ARNT: variants seen among roughly 807,000 people sequenced by gnomAD.
ARNT encodes the protein class E basic helix-loop-helix protein 2.
Under a neutral mutation model 105.0 loss-of-function variants are expected in ARNT, and 30 were observed. The observed-to-expected ratio is 0.29, with a 90% CI of 0.21 to 0.39. The LOEUF is 0.39. Among genes scored for constraint, ARNT ranks in the 10% least tolerant of loss-of-function variants. The probability of loss-of-function intolerance (pLI) is 1.00; values close to 1 mark genes in which losing one functional copy is unlikely to be tolerated. For missense variants in ARNT, 748 were observed against 978.7 expected, an observed-to-expected ratio of 0.76 and a Z score of 3.15; for synonymous variants, 304 against 344.0, an observed-to-expected ratio of 0.88 and a Z score of 1.29.
At chr1:150,826,103 T>C (rs1658191379) in intron 13 of ARNT, among the ~76,000 whole-genome samples, 1 of 151,988 alleles carries the variant, frequency 6.6e-6, no homozygotes, top group African/African-American at 2.4e-5. Flanking sequence ...TTAGTAGACA[T>C]GGGGTTTCAC....
rs1413416417 is a variant in ARNT at position 150,811,587 on chromosome 1, C to T, written c.*434G>A. On this transcript the variant is annotated 3_prime_UTR_variant, in exon 22 of 22. Coordinates refer to ENST00000358595, the MANE Select transcript of ARNT (RefSeq NM_001668.4). ...CTTGCTAAAGCCCCATATATACCTA[C>T]AATGTTTCATGGTCCTCAAATATGA... 8.6e-6 allele frequency: 2 copies of T among 233,762 alleles called. No homozygotes were observed. Among genetic ancestry groups the T allele is most frequent in the Non-Finnish European group, 1.7e-5 (2 of 118,298 alleles). The allele number at this position is 233,762 out of a possible 1,614,324, so 14.5% of individuals were successfully genotyped here. A position where few individuals can be genotyped will look rare whatever the true frequency, so the allele number is the denominator to read the frequency against.
intron 13 of ARNT, among the ~76,000 whole-genome samples, chr1:150,823,552 C>CT (rs34223160): frequency 1.5e-3 from 203 of 132,802 alleles, no homozygotes; most frequent in Middle Eastern, 3.8e-3. Context: ...GAGACTTAAG[C>CT]TTTTTTTTTT....
intron 14 of ARNT, among the ~76,000 whole-genome samples, chr1:150,821,759 A>G (rs1020006046): frequency 2.0e-5 from 3 of 151,206 alleles, no homozygotes; most frequent in African/African-American, 7.3e-5. Context: ...AGTGATTCTC[A>G]TACCTTAACC....
intron 14 of ARNT, 138 bp from the exon 15 acceptor site, chr1:150,818,168 T>A: frequency 1.6e-6 from 1 of 627,866 alleles, no homozygotes; most frequent in Non-Finnish European, 2.7e-6. Flanking sequence ...AATCCTTCAT[T>A]AAAGTCCTAT....
intron 21 of ARNT, chr1:150,812,624 A>G (rs1010058256): frequency 6.5e-6 from 1 of 152,718 alleles, no homozygotes; most frequent in African/African-American, 2.4e-5. Context: ...TTTGTGTGTC[A>G]TCCTTACGCA....
At chr1:150,865,482 T>C (rs1206552079) in intron 1 of ARNT, among the ~76,000 whole-genome samples, 1 of 152,180 alleles carries the variant, frequency 6.6e-6, no homozygotes, top group Non-Finnish European at 1.5e-5. Flanking sequence ...TCCAGGTAAC[T>C]CTGGGTATGC....
intron 2 of ARNT, among the ~76,000 whole-genome samples, chr1:150,853,887 G>A (rs1483402150): frequency 6.6e-6 from 1 of 152,062 alleles, no homozygotes; most frequent in Non-Finnish European, 1.5e-5. Context: ...CCTTAACCTA[G>A]TGATCACTCT....
At chr1:150,871,436 G>A (rs1451668794) in intron 1 of ARNT, among the ~76,000 whole-genome samples, 2 of 150,878 alleles carry the variant, frequency 1.3e-5, no homozygotes, top group Non-Finnish European at 3.0e-5. Flanking sequence ...GAGTAGCTGG[G>A]ATTACAGGCA....
intron 2 of ARNT, among the ~76,000 whole-genome samples, chr1:150,855,882 G>A (rs1664514235): frequency 6.6e-6 from 1 of 152,004 alleles, no homozygotes; most frequent in South Asian, 2.1e-4. Flanking sequence ...TCCAGCCTGG[G>A]CAACAGAGCA....
intron 14 of ARNT, among the ~76,000 whole-genome samples, chr1:150,819,886 CTG>C (rs970016336): frequency 2.6e-5 from 4 of 152,100 alleles, no homozygotes; most frequent in African/African-American, 4.8e-5. Flanking sequence ...CTAAAAAACA[CTG>C]TATACTTTAA....
intron 14 of ARNT, 29 bp downstream of exon 14, chr1:150,823,165 G>T: frequency 3.3e-6 from 5 of 1,501,348 alleles, no homozygotes. Context: ...AGGAAAAACA[G>T]TTTTTTCACA....
At chr1:150,838,021 T>G (rs1660620514) in intron 6 of ARNT, among the ~76,000 whole-genome samples, 1 of 152,240 alleles carries the variant, frequency 6.6e-6, no homozygotes, top group Non-Finnish European at 1.5e-5. Flanking sequence ...TTACCAAAAC[T>G]AATTAAGTAG....
chr1:150,842,086 G>C (rs899731512), intron 5 of ARNT, among the ~76,000 whole-genome samples: 2 of 152,110 alleles, frequency 1.3e-5, no homozygotes, highest in Non-Finnish European at 2.9e-5. Context: ...CTGATAAAAA[G>C]AGTATTTCCC....
intron 10 of ARNT, chr1:150,830,363 A>G (rs1659150599): frequency 5.9e-6 from 1 of 170,608 alleles, no homozygotes; most frequent in African/African-American, 2.4e-5. Flanking sequence ...AAAAAAACCA[A>G]AAAGCAAAAC....
chr1:150,817,362 T>C lies in ARNT; in HGVS notation c.1577A>G (p.Gln526Arg). ...RDGLASYNHSQVVQPVTTTGP... is the reference protein window; with the variant it reads ...RDGLASYNHSRVVQPVTTTGP... Reference sequence around the variant, plus strand: ...TTCAACGAAGAGGACACAACTCACCTGGGAATGATTGTAGCTGGCCAGTCC... The same window carrying C: ...TTCAACGAAGAGGACACAACTCACCCGGGAATGATTGTAGCTGGCCAGTCC... The change falls in exon 16 of 22, where the codon CAG becomes CGG. Residue 526 changes from glutamine (Q) to arginine (R), a missense_variant and splice_region_variant. Gln to Arg is a conservative substitution (Grantham distance 43). Coordinates refer to ENST00000358595, the MANE Select transcript of ARNT (RefSeq NM_001668.4). The C allele has an allele frequency of 6.2e-7, 1 of 1,614,184 alleles. No individual in the cohort carries two copies. Among genetic ancestry groups the C allele is most frequent in the Non-Finnish European group, 8.5e-7 (1 of 1,180,022 alleles).
At chr1:150,864,734 C>A in intron 1 of ARNT, among the ~76,000 whole-genome samples, 1 of 141,594 alleles carries the variant, frequency 7.1e-6, no homozygotes. Context: ...GCACAATGTG[C>A]ACATGTACCC....
Position 150,823,291 on chromosome 1 carries a change from T to C in ARNT, c.1297A>G (p.Asn433Asp). 3 of 1,614,036 alleles carry C rather than the reference T, an allele frequency of 1.9e-6. No individual in the cohort carries two copies. Among genetic ancestry groups the C allele is most frequent in the Non-Finnish European group, 2.5e-6 (3 of 1,179,914 alleles). The change falls in exon 14 of 22, where the codon AAC becomes GAC. Residue 433 changes from asparagine (N) to aspartate (D), a missense_variant. Physicochemically the swap from Asn to Asp is conservative, Grantham distance 23. Around this residue, in one of 4 missense-constraint regions of ARNT, gnomAD observed 291 missense variants for 444.6 expected, o/e 0.65. Coordinates refer to ENST00000358595, the MANE Select transcript of ARNT (RefSeq NM_001668.4). ...GTTCTCATCCAGAGCCATTCTTGGT[T>C]CTTAGACCGGAACCGGAACATGACA... ...LSVMFRFRSK[N>D]QEWLWMRTSS...
chr1:150,828,271 T>A (rs1368999668), intron 12 of ARNT, among the ~76,000 whole-genome samples: 1 of 152,014 alleles, frequency 6.6e-6, no homozygotes, highest in Non-Finnish European at 1.5e-5. Flanking sequence ...TCTTACACAT[T>A]TAGGCCTCTA....
At chr1:150,860,905 ACAACT>A (rs1479138377) in intron 1 of ARNT, among the ~76,000 whole-genome samples, 1 of 152,132 alleles carries the variant, frequency 6.6e-6, no homozygotes, top group Non-Finnish European at 1.5e-5. Context: ...AAGAGCTCCT[ACAACT>A]CAACAAAAAG....
Sources: gnomAD v4.1 joint callset for allele counts (sites outside exome capture counted in the v4.1 genomes callset) on GRCh38, gnomAD v4.1.1 for gene constraint, gnomAD v4.1.1 regional missense constraint, MANE v1.5 for transcripts, NCBI Gene and HGNC (gene_info 2026-07-23, HGNC 2026-07-21) for gene names.